Variants in RIPOR2 observed in about 807,000 individuals in gnomAD.
RIPOR2 encodes the protein rho family-interacting cell polarization regulator 2.
In RIPOR2, 39 loss-of-function variants were observed where a neutral mutation model predicts 114.5. The ratio of observed to expected loss-of-function variants is 0.34; its 90% CI spans 0.26 to 0.44. RIPOR2 has a LOEUF of 0.44. RIPOR2 is among the 20% of genes least tolerant of loss of function. RIPOR2 has a pLI of 1.00. For synonymous variants in RIPOR2, 445 were observed against 484.4 expected (o/e 0.92, Z 1.07); for missense variants, 1,007 against 1,255.1 (o/e 0.80, Z 2.99).
At chr6:24,809,122 G>C (rs1780966599) in intron 21 of RIPOR2, among the ~76,000 whole-genome samples, 1 of 151,858 alleles carries the variant, frequency 6.6e-6, no homozygotes, top group Non-Finnish European at 1.5e-5. Flanking sequence ...CCCCAAAAAA[G>C]AATAAATGTA....
chr6:24,981,730 C>G (rs551597610), intron 1 of RIPOR2, among the ~76,000 whole-genome samples: 35 of 152,302 alleles, frequency 2.3e-4, no homozygotes, highest in African/African-American at 8.4e-4. Flanking sequence ...ATTGTGGAAG[C>G]CTGAGCAAGT....
chr6:25,017,886 C>A (rs1443154714), intron 1 of RIPOR2, among the ~76,000 whole-genome samples: 2 of 152,206 alleles, frequency 1.3e-5, no homozygotes, highest in Non-Finnish European at 2.9e-5. Context: ...TTCAGGACAC[C>A]TATGACAGAA....
intron 1 of RIPOR2, among the ~76,000 whole-genome samples, chr6:24,935,235 G>T (rs1486766543): frequency 6.6e-6 from 1 of 151,016 alleles, no homozygotes; most frequent in Non-Finnish European, 1.5e-5. Flanking sequence ...TTGAACCCGG[G>T]AGACGGAGGT....
chr6:24,849,712 G>C, intron 11 of RIPOR2, 90 bp downstream of exon 11: 3 of 1,154,692 alleles, frequency 2.6e-6, no homozygotes, highest in Middle Eastern at 2.4e-4. Flanking sequence ...CAAGCTCCCT[G>C]GTGATGCGGA....
At chr6:24,839,733 C>A in intron 13 of RIPOR2, 1 of 1,440,218 alleles carries the variant, frequency 6.9e-7, no homozygotes, top group Non-Finnish European at 9.0e-7. Context: ...AATAAAATAC[C>A]ACAAGCAGAC....
intron 1 of RIPOR2, among the ~76,000 whole-genome samples, chr6:25,006,617 A>G (rs952588991): frequency 6.6e-6 from 1 of 152,148 alleles, no homozygotes; most frequent in African/African-American, 2.4e-5. Flanking sequence ...TCCTCCAGGC[A>G]CAGGTGAGTC....
At chr6:24,911,750 C>T (rs933748934) in intron 1 of RIPOR2, among the ~76,000 whole-genome samples, 1 of 152,124 alleles carries the variant, frequency 6.6e-6, no homozygotes, top group African/African-American at 2.4e-5. Context: ...AACTGGGAGT[C>T]GACAAGGACC....
chr6:25,035,300 A>T (rs1453642758), intron 1 of RIPOR2, among the ~76,000 whole-genome samples: 3 of 152,158 alleles, frequency 2.0e-5, no homozygotes, highest in African/African-American at 7.2e-5. Flanking sequence ...TCTTTTTTAT[A>T]CTTGGGGTAA....
chr6:24,886,386 C>G (rs1222839360), intron 1 of RIPOR2, among the ~76,000 whole-genome samples: 3 of 152,158 alleles, frequency 2.0e-5, no homozygotes, highest in Non-Finnish European at 1.5e-5. Flanking sequence ...AGGTACAGAC[C>G]TTATTCCAAT....
intron 1 of RIPOR2, among the ~76,000 whole-genome samples, chr6:24,974,126 G>C (rs766578687): frequency 6.6e-6 from 1 of 152,220 alleles, no homozygotes; most frequent in Non-Finnish European, 1.5e-5. Flanking sequence ...GCTCATGCCT[G>C]TAATCCCAGC....
At chr6:24,943,019 C>T (rs566417625) in intron 1 of RIPOR2, among the ~76,000 whole-genome samples, 1 of 152,266 alleles carries the variant, frequency 6.6e-6, no homozygotes, top group East Asian at 1.9e-4. Flanking sequence ...ATAAATCATG[C>T]TGCTATAAAG....
intron 17 of RIPOR2, among the ~76,000 whole-genome samples, chr6:24,829,498 T>A (rs904082892): frequency 2.0e-5 from 3 of 151,976 alleles, no homozygotes; most frequent in Non-Finnish European, 4.4e-5. Flanking sequence ...CATGTTGGCA[T>A]CTATCTACAG....
chr6:24,996,424 G>C (rs1206085045), intron 1 of RIPOR2, among the ~76,000 whole-genome samples: 2 of 152,180 alleles, frequency 1.3e-5, no homozygotes, highest in Non-Finnish European at 2.9e-5. Context: ...GGGGATCACA[G>C]TGAGCTCACC....
intron 1 of RIPOR2, among the ~76,000 whole-genome samples, chr6:24,963,098 C>A (rs185184048): frequency 2.0e-5 from 3 of 152,132 alleles, no homozygotes; most frequent in African/African-American, 4.8e-5. Context: ...AATACAATGG[C>A]GCAATCTTGG....
intron 8 of RIPOR2, among the ~76,000 whole-genome samples, chr6:24,853,464 G>A (rs1455818241): frequency 3.3e-5 from 5 of 152,262 alleles, no homozygotes; most frequent in South Asian, 4.1e-4. Flanking sequence ...GCTAGGCATC[G>A]GGGTAATAAT....
intron 1 of RIPOR2, among the ~76,000 whole-genome samples, chr6:24,886,788 A>G (rs1766876917): frequency 6.6e-6 from 1 of 152,198 alleles, no homozygotes; most frequent in Admixed American, 6.5e-5. Context: ...GAAAGTTACT[A>G]TCTTTGCCTT....
At chr6:24,852,663 C>T (rs749829863) in intron 8 of RIPOR2, 45 bp from the exon 9 acceptor site, 4 of 1,482,828 alleles carry the variant, frequency 2.7e-6, no homozygotes, top group Non-Finnish European at 3.7e-6. Context: ...CATATTTCCC[C>T]TCTCTATAGA....
intron 19 of RIPOR2, among the ~76,000 whole-genome samples, chr6:24,819,682 T>C (rs955498166): frequency 7.8e-6 from 1 of 128,218 alleles, no homozygotes; most frequent in Admixed American, 8.1e-5. Context: ...TTTTTTTTTT[T>C]AGTGGAGACA....
chr6:24,953,405 T>C (rs368939369), intron 1 of RIPOR2, among the ~76,000 whole-genome samples: 2 of 152,102 alleles, frequency 1.3e-5, no homozygotes, highest in East Asian at 1.9e-4. Flanking sequence ...AGTGTCCTTA[T>C]AGAAGAGACA....
Sources: allele counts gnomAD v4.1 joint callset (sites outside exome capture counted in the v4.1 genomes callset), GRCh38; gene constraint gnomAD v4.1.1; transcripts MANE v1.5; gene names NCBI Gene and HGNC (gene_info 2026-07-23, HGNC 2026-07-21).